The following ADAMTS3 variants were observed in gnomAD, a reference collection of about 807,000 sequenced individuals.
The protein encoded by ADAMTS3 is ADAM metallopeptidase with thrombospondin type 1 motif 3, also known as A disintegrin and metalloproteinase with thrombospondin motifs 3.
Under a neutral mutation model 129.0 loss-of-function variants are expected in ADAMTS3, and 73 were observed. The ratio of observed to expected loss-of-function variants is 0.57; its 90% CI spans 0.47 to 0.69. ADAMTS3 has a LOEUF of 0.69. Ranked by LOEUF, ADAMTS3 falls within the 30% of genes least tolerant of loss-of-function variation. ADAMTS3 has a pLI of 0.00. For missense variants in ADAMTS3, 1,457 were observed against 1,514.5 expected (o/e 0.96, Z 0.63); for synonymous variants, 477 against 510.8 (o/e 0.93, Z 0.89).
chr4:72,283,700 T>C lies in ADAMTS3; in HGVS notation c.3054A>G (p.Glu1018=), dbSNP rs1339325721. 6.4e-7 allele frequency: 1 copy of C among 1,552,102 alleles called. No homozygotes were observed. The highest frequency in any genetic ancestry group is 8.7e-7 in the Non-Finnish European group (1 of 1,146,430). ...RACQLPPCND[E]PCLGDKSIFC... ...ATATGGACTTGTCTCCCAAACATGGTTCATCTGCAAAAATAAAAAGAAAAT... is the reference window on the plus strand; with the variant it reads ...ATATGGACTTGTCTCCCAAACATGGCTCATCTGCAAAAATAAAAAGAAAAT... Residue 1018 remains glutamate, a synonymous_variant, in exon 22 of 22, where the codon GAA becomes GAG. Transcript: ENST00000286657.
At chr4:72,486,702 G>A (rs1719600191) in intron 3 of ADAMTS3, among the ~76,000 whole-genome samples, 1 of 152,158 alleles carries the variant, frequency 6.6e-6, no homozygotes, top group Non-Finnish European at 1.5e-5. Flanking sequence ...GGAAGAAAGA[G>A]TTTAAGAACA....
At chr4:72,340,921 T>G (rs1316433718) in intron 4 of ADAMTS3, among the ~76,000 whole-genome samples, 1 of 152,280 alleles carries the variant, frequency 6.6e-6, no homozygotes, top group East Asian at 1.9e-4. Flanking sequence ...TAAGCTGCCT[T>G]GATGTCTAAA....
intron 3 of ADAMTS3, among the ~76,000 whole-genome samples, chr4:72,456,846 T>C (rs1718634321): frequency 6.6e-6 from 1 of 151,524 alleles, no homozygotes; most frequent in Admixed American, 6.6e-5. Flanking sequence ...GCACTCCCTA[T>C]ATAGTGCCCC....
rs756261241 is a variant in ADAMTS3, at chr4:72,456,137, T to C, written c.505-41166A>G. Among the ~76,000 whole-genome samples, 2 of 54,958 alleles carry C rather than the reference T, an allele frequency of 3.6e-5. 1 individual carries two copies. The highest frequency in any genetic ancestry group is 1.2e-4 in the African/African-American group (2 of 16,822). The allele number at this position is 54,958 out of a possible 152,430, so 36.1% of individuals were successfully genotyped here. On this transcript the variant is annotated intron_variant, in intron 3 of 21. Transcript: ENST00000286657. ...ATATATATTTTATATATAGTATATATACTATATATATTTTATATATATTTT... is the reference window on the plus strand; with the variant it reads ...ATATATATTTTATATATAGTATATACACTATATATATTTTATATATATTTT...
At chr4:72,428,644 A>C (rs1346681005) in intron 3 of ADAMTS3, among the ~76,000 whole-genome samples, 1 of 152,060 alleles carries the variant, frequency 6.6e-6, no homozygotes, top group East Asian at 1.9e-4. Context: ...GAGAAACCCT[A>C]GCTTGGTTGA....
intron 3 of ADAMTS3, among the ~76,000 whole-genome samples, chr4:72,520,374 T>C (rs868206788): frequency 2.0e-5 from 3 of 152,288 alleles, no homozygotes; most frequent in South Asian, 4.1e-4. Flanking sequence ...TTCAAAGCTG[T>C]CAGACAGGGA....
chr4:72,534,930 T>C (rs2109769843), intron 3 of ADAMTS3, among the ~76,000 whole-genome samples: 1 of 152,310 alleles, frequency 6.6e-6, no homozygotes, highest in East Asian at 1.9e-4. Flanking sequence ...TGGCTCAATA[T>C]TAGTGTCTAG....
intron 2 of ADAMTS3, among the ~76,000 whole-genome samples, chr4:72,561,643 C>A (rs372427222): frequency 2.6e-5 from 4 of 152,182 alleles, no homozygotes; most frequent in African/African-American, 9.6e-5. Context: ...AATATACTTA[C>A]TAAATATTAA....
chr4:72,427,937 G>C (rs902537747), intron 3 of ADAMTS3, among the ~76,000 whole-genome samples: 1 of 152,010 alleles, frequency 6.6e-6, no homozygotes. Flanking sequence ...GTACAGAAAA[G>C]AGTGGATTTT....
intron 3 of ADAMTS3, among the ~76,000 whole-genome samples, chr4:72,484,165 A>G (rs1719516583): frequency 6.6e-6 from 1 of 152,222 alleles, no homozygotes; most frequent in African/African-American, 2.4e-5. Flanking sequence ...TAGAATCCAG[A>G]AATGTGTAAA....
chr4:72,418,348 T>C (rs1037528403), intron 3 of ADAMTS3, among the ~76,000 whole-genome samples: 2 of 152,108 alleles, frequency 1.3e-5, no homozygotes, highest in Non-Finnish European at 2.9e-5. Context: ...CATATTAAAT[T>C]TGGACAAATC....
intron 3 of ADAMTS3, among the ~76,000 whole-genome samples, chr4:72,462,552 G>T (rs750766994): frequency 4.6e-5 from 7 of 151,834 alleles, no homozygotes; most frequent in Non-Finnish European, 8.8e-5. Context: ...GGTCCCGTAG[G>T]ATTCCAATGG....
At chr4:72,568,585 G>A in intron 1 of ADAMTS3, 109 bp downstream of exon 1, 1 of 847,510 alleles carries the variant, frequency 1.2e-6, no homozygotes, top group Non-Finnish European at 1.9e-6. Context: ...AAAGATAACA[G>A]GGAAGGGTGG....
chr4:72,430,180 C>G (rs1722663928), intron 3 of ADAMTS3, among the ~76,000 whole-genome samples: 1 of 152,012 alleles, frequency 6.6e-6, no homozygotes, highest in South Asian at 2.1e-4. Flanking sequence ...ACTCCCTCAT[C>G]AAGAGATAGA....
intron 15 of ADAMTS3, 82 bp from the exon 16 acceptor site, chr4:72,306,149 A>T: frequency 1.0e-6 from 1 of 1,003,496 alleles, no homozygotes; most frequent in Non-Finnish European, 1.5e-6. Flanking sequence ...CTACATTCTT[A>T]CTGCTTCTGC....
intron 5 of ADAMTS3, among the ~76,000 whole-genome samples, chr4:72,332,266 C>T (rs188676929): frequency 7.9e-5 from 12 of 152,290 alleles, no homozygotes; most frequent in Non-Finnish European, 1.2e-4. Context: ...ATATAACCAT[C>T]GTTAAGTAAC....
intron 19 of ADAMTS3, among the ~76,000 whole-genome samples, chr4:72,293,539 G>C (rs573031577): frequency 6.6e-6 from 1 of 152,140 alleles, no homozygotes; most frequent in Non-Finnish European, 1.5e-5. Flanking sequence ...CACTCCCTAG[G>C]CAAGAAATTG....
At chr4:72,463,887 T>C (rs1375887970) in intron 3 of ADAMTS3, among the ~76,000 whole-genome samples, 1 of 151,844 alleles carries the variant, frequency 6.6e-6, no homozygotes, top group Non-Finnish European at 1.5e-5. Flanking sequence ...CTGTGTTTCA[T>C]CAATTTAACA....
chr4:72,287,517 G>A (rs1268339957), intron 21 of ADAMTS3, among the ~76,000 whole-genome samples: 1 of 150,984 alleles, frequency 6.6e-6, no homozygotes, highest in East Asian at 2.0e-4. Context: ...GGGAAAGAGA[G>A]AGCCAGGAAG....
Sources: gnomAD v4.1 joint callset for allele counts (sites outside exome capture counted in the v4.1 genomes callset) on GRCh38, gnomAD v4.1.1 for gene constraint, MANE v1.5 for transcripts, NCBI Gene and HGNC (gene_info 2026-07-23, HGNC 2026-07-21) for gene names.